The following INSR variants were observed in gnomAD, a reference collection of about 807,000 sequenced individuals.
INSR encodes the protein insulin receptor.
A neutral mutation model predicts 142.6 loss-of-function variants in INSR; 67 were observed. The ratio of observed to expected loss-of-function variants is 0.47; its 90% CI spans 0.39 to 0.58. INSR has a LOEUF of 0.58. Among genes scored for constraint, INSR ranks in the 20% least tolerant of loss-of-function variants. The pLI is 0.00. For synonymous variants in INSR, 756 were observed against 743.1 expected (o/e 1.02, Z -0.28); for missense variants, 1,248 against 1,833.2 (o/e 0.68, Z 5.83).
At chr19:7,203,677 G>A (rs919682610) in intron 2 of INSR, among the ~76,000 whole-genome samples, 1 of 152,144 alleles carries the variant, frequency 6.6e-6, no homozygotes, top group African/African-American at 2.4e-5. Context: ...ACAGGGACAA[G>A]GAATGGAGAA....
chr19:7,250,264 A>G, intron 2 of INSR, among the ~76,000 whole-genome samples: 1 of 127,782 alleles, frequency 7.8e-6, no homozygotes, highest in African/African-American at 2.9e-5. Flanking sequence ...GGGGATGGGA[A>G]GGAGGAGAGG....
At chr19:7,175,128 G>A (rs192270127) in intron 3 of INSR, among the ~76,000 whole-genome samples, 77 of 152,238 alleles carry the variant, frequency 5.1e-4, no homozygotes, top group African/African-American at 1.8e-3. Flanking sequence ...ACAGGTGTGA[G>A]CCACTGCACC....
At chr19:7,214,686 A>G (rs567240173) in intron 2 of INSR, among the ~76,000 whole-genome samples, 3 of 152,268 alleles carry the variant, frequency 2.0e-5, no homozygotes, top group Admixed American at 2.0e-4. Flanking sequence ...CATCCACTCA[A>G]TGACCATAGA....
intron 10 of INSR, among the ~76,000 whole-genome samples, chr19:7,151,601 A>T (rs1973362970): frequency 6.6e-6 from 1 of 151,824 alleles, no homozygotes. Context: ...TTTGTTTGTA[A>T]CAGGTGAAAC....
At chr19:7,237,256 C>T (rs759703505) in intron 2 of INSR, among the ~76,000 whole-genome samples, 6 of 151,958 alleles carry the variant, frequency 3.9e-5, no homozygotes, top group East Asian at 1.9e-4. Flanking sequence ...CGGTGGCTCA[C>T]GCCTGTAATC....
chr19:7,199,960 G>A (rs1362247201), intron 2 of INSR, among the ~76,000 whole-genome samples: 2 of 152,160 alleles, frequency 1.3e-5, no homozygotes, highest in East Asian at 1.9e-4. Context: ...GGGATTAGGT[G>A]ACTGTCCCTT....
chr19:7,116,930 T>A lies in INSR; in HGVS notation c.*126A>T, dbSNP rs1404254674. ...CCACCTTAAGATGAACAGAAATGTA[T>A]AGGAACGATCTCTGAACTCCATTGG... is the stretch of plus-strand genomic sequence containing the variant. On this transcript the variant is annotated 3_prime_UTR_variant, in exon 22 of 22. Coordinates refer to ENST00000302850, the MANE Select transcript of INSR (RefSeq NM_000208.4). 2.5e-6 allele frequency: 2 copies of A among 814,066 alleles called. No individual in the cohort carries two copies. The highest frequency in any genetic ancestry group is 4.3e-6 in the Non-Finnish European group (2 of 461,026). The allele number at this position is 814,066 out of a possible 1,614,324, so 50.4% of individuals were successfully genotyped here. A position where few individuals can be genotyped will look rare whatever the true frequency, so the allele number is the denominator to read the frequency against.
In INSR at chr19:7,156,052, C is replaced by CTTT. The variant is rs147889782; in HGVS notation, c.2030-3128_2030-3126dup. Reference sequence around the variant, plus strand: ...GCAGAGTAGAATGCCATATGGAATTCTTTTTTTTTTTTTTTTTTTTTTTTT... The same window carrying CTTT: ...GCAGAGTAGAATGCCATATGGAATTCTTTTTTTTTTTTTTTTTTTTTTTTTTTT... On this transcript the variant is annotated intron_variant, in intron 9 of 21. Coordinates refer to ENST00000302850, the MANE Select transcript of INSR (RefSeq NM_000208.4). 4.9e-4 allele frequency among the ~76,000 whole-genome samples: 33 copies of CTTT among 67,374 alleles called. 1 individual carries two copies. The highest frequency in any genetic ancestry group is 8.2e-4 in the African/African-American group (13 of 15,922). The allele number at this position is 67,374 out of a possible 152,430, so 44.2% of individuals were successfully genotyped here. A position where few individuals can be genotyped will look rare whatever the true frequency, so the allele number is the denominator to read the frequency against.
At chr19:7,250,379 G>C (rs1976674579) in intron 2 of INSR, among the ~76,000 whole-genome samples, 1 of 110,848 alleles carries the variant, frequency 9.0e-6, no homozygotes, top group Non-Finnish European at 2.0e-5. Flanking sequence ...AGGAGGGAGA[G>C]AGGAAGGGAG....
In INSR at chr19:7,267,976, G is replaced by T; in HGVS notation, c.101-80C>A. 8.9e-6 allele frequency: 11 copies of T among 1,235,322 alleles called. No individual in the cohort carries two copies. Among genetic ancestry groups the T allele is most frequent in the Non-Finnish European group, 1.3e-5 (11 of 857,484 alleles). The allele number at this position is 1,235,322 out of a possible 1,614,324, so 76.5% of individuals were successfully genotyped here. A position where few individuals can be genotyped will look rare whatever the true frequency, so the allele number is the denominator to read the frequency against. On this transcript the variant is annotated intron_variant, in intron 1 of 21. Transcript: ENST00000302850. This position sits in a 1 kb window ranked among gnomAD's most constrained non-coding sequence, Gnocchi z 6.3. ...CATCAGAAGGATCAGGGGCAGAGCC[G>T]GCTTCATGGACAGGAAACCTGGGCC...
rs564443335 is a variant in INSR, at chr19:7,134,256, T to C, written c.2683-1939A>G. Among the ~76,000 whole-genome samples, 3 of 152,272 alleles carry C rather than the reference T, an allele frequency of 2.0e-5. No individual in the cohort carries two copies. The South Asian group carries it at 6.2e-4, about 32-fold the overall frequency. On this transcript the variant is annotated intron_variant, in intron 13 of 21. Transcript: ENST00000302850. ...CTCTAGAACTTCTCCTTAAGACCAC[T>C]GCAGAATATTTTTGCCATGTATCCA... is the stretch of plus-strand genomic sequence containing the variant.
intron 1 of INSR, among the ~76,000 whole-genome samples, chr19:7,291,049 GAC>G (rs1968480377): frequency 6.6e-6 from 1 of 151,516 alleles, no homozygotes; most frequent in Non-Finnish European, 1.5e-5. Flanking sequence ...CAGCCTGGGT[GAC>G]AGAGCAAGAC....
At chr19:7,120,575 G>A (rs1972466149) in intron 20 of INSR, 45 bp downstream of exon 20, 2 of 1,612,364 alleles carry the variant, frequency 1.2e-6, no homozygotes, top group South Asian at 2.2e-5. Context: ...ACTAGCACCT[G>A]GAATTCAAGC....
At chr19:7,224,965 GAGAC>G (rs561913561) in intron 2 of INSR, among the ~76,000 whole-genome samples, 1,632 of 151,586 alleles carry the variant, frequency 0.011, 19 homozygotes, top group African/African-American at 0.021. Context: ...GGATGAGAGA[GAGAC>G]AGACAGACAG....
intron 2 of INSR, among the ~76,000 whole-genome samples, chr19:7,213,341 C>CA (rs11343255): frequency 0.071 from 7,112 of 100,504 alleles, 377 homozygotes; most frequent in Non-Finnish European, 0.091. Flanking sequence ...GACTCCATCT[C>CA]AAAAAAAAAA....
At chr19:7,215,629 A>G (rs1362590333) in intron 2 of INSR, among the ~76,000 whole-genome samples, 1 of 151,694 alleles carries the variant, frequency 6.6e-6, no homozygotes, top group African/African-American at 2.4e-5. Context: ...GTGCAGTGGC[A>G]TGATCTTGGC....
intron 11 of INSR, among the ~76,000 whole-genome samples, chr19:7,148,855 C>G (rs1263079122): frequency 6.6e-6 from 1 of 151,222 alleles, no homozygotes. Context: ...AGTGCAGTGG[C>G]ACGATCTTGG....
chr19:7,202,391 T>G (rs964678932), intron 2 of INSR, among the ~76,000 whole-genome samples: 1 of 152,210 alleles, frequency 6.6e-6, no homozygotes, highest in Non-Finnish European at 1.5e-5. Context: ...AACCTCTGCC[T>G]TTGTCTCCAT....
chr19:7,242,902 G>A (rs1381112427), intron 2 of INSR, among the ~76,000 whole-genome samples: 1 of 151,974 alleles, frequency 6.6e-6, no homozygotes, highest in Admixed American at 6.6e-5. Flanking sequence ...TAAAAAAGCA[G>A]TACCCTGTTT....
Sources: gnomAD v4.1 joint callset for allele counts (sites outside exome capture counted in the v4.1 genomes callset) on GRCh38, gnomAD v4.1.1 for gene constraint, Gnocchi (gnomAD v3.1) non-coding constraint, MANE v1.5 for transcripts, NCBI Gene and HGNC (gene_info 2026-07-23, HGNC 2026-07-21) for gene names.